The following UGT3A1 variants were observed in gnomAD, a reference collection of about 807,000 sequenced individuals.
The protein encoded by UGT3A1 is UDP-glycosyltransferase 3A1.
A neutral mutation model predicts 37.6 loss-of-function variants in UGT3A1; 40 were observed. The ratio of observed to expected loss-of-function variants is 1.06; its 90% CI spans 0.83 to 1.38. The LOEUF (loss-of-function observed/expected upper bound fraction) is 1.38, where lower values mean the gene tolerates loss of function less well. Ranked by LOEUF, UGT3A1 falls within the 40% of genes most tolerant of loss-of-function variation. The pLI, the probability that UGT3A1 is intolerant of heterozygous loss-of-function variation, is 0.00. For missense variants in UGT3A1, 642 were observed against 634.2 expected, an observed-to-expected ratio of 1.01 and a Z score of -0.13; for synonymous variants, 256 against 232.3, an observed-to-expected ratio of 1.10 and a Z score of -0.93.
chr5:35,953,045 A>G lies in UGT3A1; in HGVS notation c.*1157T>C, dbSNP rs1279313155. The G allele has an allele frequency of 1.3e-5, 2 of 152,330 alleles. No homozygotes were observed. Among genetic ancestry groups the G allele is most frequent in the African/African-American group, 4.8e-5 (2 of 41,458 alleles). 9.4% of individuals were successfully genotyped at this position (152,330 alleles called of 1,614,324 possible). On this transcript the variant is annotated 3_prime_UTR_variant, in exon 7 of 7. Coordinates refer to ENST00000274278, the MANE Select transcript of UGT3A1 (RefSeq NM_152404.4). ...ACTATGGTTCATCCAGGGCCTCTCC[A>G]TATGCCTGTTTTCTACTCTGTGTTT...
rs904879990 is a variant in UGT3A1 at position 35,953,381 on chromosome 5, T to A, written c.*821A>T. Reference sequence around the variant, plus strand: ...ACGCCATGGTTTTTCTTGCTTCTGTTCCTAGCAGATTAAGGTAATCTCTAA... The same window carrying A: ...ACGCCATGGTTTTTCTTGCTTCTGTACCTAGCAGATTAAGGTAATCTCTAA... On this transcript the variant is annotated 3_prime_UTR_variant, in exon 7 of 7. Transcript: ENST00000274278. 3 of 152,350 alleles carry A rather than the reference T, an allele frequency of 2.0e-5. No individual in the cohort carries two copies. Among genetic ancestry groups the A allele is most frequent in the Non-Finnish European group, 2.9e-5 (2 of 68,028 alleles). The allele number at this position is 152,350 out of a possible 1,614,324, so 9.4% of individuals were successfully genotyped here. A position where few individuals can be genotyped will look rare whatever the true frequency, so the allele number is the denominator to read the frequency against.
intron 2 of UGT3A1, among the ~76,000 whole-genome samples, chr5:35,981,817 G>C (rs1020130234): frequency 6.6e-6 from 1 of 152,220 alleles, no homozygotes; most frequent in African/African-American, 2.4e-5. Flanking sequence ...TATCTCTAGG[G>C]CATGCCAGAG....
chr5:35,989,567 G>A (rs1218423913), intron 1 of UGT3A1, among the ~76,000 whole-genome samples: 3 of 152,130 alleles, frequency 2.0e-5, no homozygotes, highest in African/African-American at 4.8e-5. Flanking sequence ...AATCTGCAAC[G>A]GTCTTGCTCA....
In UGT3A1 at chr5:35,979,248, ATT is replaced by A. The variant is rs561018783; in HGVS notation, c.196+9200_196+9201del. On this transcript the variant is annotated intron_variant, in intron 2 of 6. Coordinates refer to ENST00000274278, the MANE Select transcript of UGT3A1 (RefSeq NM_152404.4). ...TTATGCAATTTCTGCAGCAGCTTAA[ATT>A]TCTCCTCAGAAAATGAGATTTTCTT... 1.3e-3 allele frequency among the ~76,000 whole-genome samples: 201 copies of A among 152,150 alleles called. 1 individual carries two copies. Among genetic ancestry groups the A allele is most frequent in the South Asian group, 0.011 (54 of 4,812 alleles).
rs151269655 is a variant in UGT3A1, at chr5:35,976,103, T to C, written c.197-7970A>G. ...CTTATGCTCTTTCAGACTAGGATTT[T>C]AGTTCCAAAGGAAGGAATGTTTCCA... is the stretch of plus-strand genomic sequence containing the variant. On this transcript the variant is annotated intron_variant, in intron 2 of 6. Transcript: ENST00000274278. 1.5e-3 allele frequency among the ~76,000 whole-genome samples: 235 copies of C among 152,278 alleles called. 2 individuals are homozygous for C. Among genetic ancestry groups the C allele is most frequent in the African/African-American group, 5.2e-3 (215 of 41,546 alleles).
At chr5:35,971,739 A>G (rs979063380) in intron 2 of UGT3A1, among the ~76,000 whole-genome samples, 1 of 152,024 alleles carries the variant, frequency 6.6e-6, no homozygotes, top group African/African-American at 2.4e-5. Flanking sequence ...TCAGCCAGAG[A>G]GGTATTTTTC....
At chr5:35,981,536 G>A (rs925626862) in intron 2 of UGT3A1, among the ~76,000 whole-genome samples, 2 of 152,242 alleles carry the variant, frequency 1.3e-5, no homozygotes, top group African/African-American at 4.8e-5. Flanking sequence ...ACTTGAGAGA[G>A]ATGATTAGGA....
chr5:35,965,457 C>A lies in UGT3A1; in HGVS notation c.772G>T (p.Ala258Ser). ...ACAGTGTTGGGAAGCAGGGGCCGGG[C>A]AAAATCAAAGGCAAAATCAGAGTTA... The part of the protein sequence containing the change: ...FVNSDFAFDF[A>S]RPLLPNTVYI... The change falls in exon 4 of 7, where the codon GCC (alanine) becomes TCC (serine). Residue 258 changes from alanine to serine, a missense_variant. Transcript: ENST00000274278. 6 of 1,614,162 alleles carry A rather than the reference C, an allele frequency of 3.7e-6. No individual in the cohort carries two copies. Among genetic ancestry groups the A allele is most frequent in the Middle Eastern group, 1.6e-4 (1 of 6,062 alleles).
intron 2 of UGT3A1, among the ~76,000 whole-genome samples, chr5:35,982,727 G>A (rs1740577228): frequency 6.6e-6 from 1 of 152,136 alleles, no homozygotes; most frequent in Admixed American, 6.5e-5. Flanking sequence ...TTTGTTTTGA[G>A]TTGTAAGAAG....
chr5:35,991,214 T>C lies in UGT3A1; in HGVS notation c.27A>G (p.Leu9=), dbSNP rs780779965. Residue 9 remains leucine (L), a synonymous_variant, in exon 1 of 7, where the codon CTA becomes CTG. Coordinates refer to ENST00000274278, the MANE Select transcript of UGT3A1 (RefSeq NM_152404.4). ...GGACCCCAGAAAGAAGGAAGGCCAC[T>C]AGAAGCAGCACCCGCTGCCCAACCA... The part of the protein sequence containing the change: MVGQRVLL[L]VAFLLSGVLL... 48 of 1,614,212 alleles carry C rather than the reference T, an allele frequency of 3.0e-5. No individual in the cohort carries two copies. The South Asian group carries it at 4.5e-4, about 15-fold the overall frequency.
At chr5:35,990,300 G>T (rs990215970) in intron 1 of UGT3A1, among the ~76,000 whole-genome samples, 1 of 151,960 alleles carries the variant, frequency 6.6e-6, no homozygotes, top group Non-Finnish European at 1.5e-5. Flanking sequence ...TAGATGATCC[G>T]TGGTTCCTTC....
chr5:35,991,437 T>C (rs566335403), upstream of UGT3A1: 21 of 1,430,968 alleles, frequency 1.5e-5, no homozygotes, highest in East Asian at 5.1e-4. Context: ...GCATGCTCCA[T>C]GGGATAATCT....
intron 2 of UGT3A1, among the ~76,000 whole-genome samples, chr5:35,986,314 T>C (rs1256385956): frequency 6.6e-6 from 1 of 152,092 alleles, no homozygotes; most frequent in Admixed American, 6.6e-5. Flanking sequence ...GCAATTCCAC[T>C]ACTAGATATA....
chr5:35,996,045 A>G (rs1375892835), upstream of UGT3A1, among the ~76,000 whole-genome samples: 2 of 151,848 alleles, frequency 1.3e-5, no homozygotes, highest in African/African-American at 2.4e-5. Context: ...AAAAGGAGAA[A>G]TAGAAGATTG....
upstream of UGT3A1, among the ~76,000 whole-genome samples, chr5:35,993,293 G>A (rs1255278597): frequency 1.3e-5 from 2 of 151,990 alleles, no homozygotes. Flanking sequence ...GTGAAATCCC[G>A]TCTCTCCTAA....
intron 4 of UGT3A1, chr5:35,962,837 A>T (rs1479809085): frequency 1.4e-6 from 1 of 698,800 alleles, no homozygotes; most frequent in East Asian, 2.7e-5. Context: ...TTCAGGATAC[A>T]CAGGCTAGGA....
chr5:35,993,681 G>A (rs1580970038), upstream of UGT3A1, among the ~76,000 whole-genome samples: 3 of 152,174 alleles, frequency 2.0e-5, no homozygotes, highest in Admixed American at 1.3e-4. Context: ...ATTGAGGCTT[G>A]TCTCATCATT....
chr5:35,973,923 T>C (rs1029666257), intron 2 of UGT3A1, among the ~76,000 whole-genome samples: 13 of 152,196 alleles, frequency 8.5e-5, no homozygotes, highest in African/African-American at 2.2e-4. Flanking sequence ...TAATTAATCA[T>C]GGCATCCCTA....
In UGT3A1 at chr5:35,984,110, T is replaced by C. The variant is rs145418703; in HGVS notation, c.196+4340A>G. ...CCAAATTGGAAAGGAGGTAGTCAAA[T>C]TAGCCTTTTTCACAGAAGACATGAT... is the stretch of plus-strand genomic sequence containing the variant. On this transcript the variant is annotated intron_variant, in intron 2 of 6. Transcript: ENST00000274278. Among the ~76,000 whole-genome samples the C allele has an allele frequency of 9.5e-4, 144 of 152,260 alleles. 2 individuals carry two copies. The East Asian group carries it at 0.026, about 28-fold the overall frequency.
Sources: allele counts gnomAD v4.1 joint callset (sites outside exome capture counted in the v4.1 genomes callset), GRCh38; gene constraint gnomAD v4.1.1; transcripts MANE v1.5; gene names NCBI Gene and HGNC (gene_info 2026-07-23, HGNC 2026-07-21).